Variants in RAD51B observed in about 807,000 individuals in gnomAD.
RAD51B encodes the protein DNA repair protein RAD51 homolog 2.
RAD51B carries 38 observed loss-of-function variants against 42.2 expected under a neutral mutation model. That is an observed-to-expected ratio of 0.90 (90% confidence interval 0.70 to 1.18). The LOEUF is 1.18. Ranked by LOEUF, RAD51B falls within the 50% of genes most tolerant of loss-of-function variation. The probability of loss-of-function intolerance (pLI) is 0.00; values close to 1 mark genes in which losing one functional copy is unlikely to be tolerated. For missense variants in RAD51B, 373 were observed against 400.7 expected, an observed-to-expected ratio of 0.93 and a Z score of 0.59; for synonymous variants, 154 against 145.2, an observed-to-expected ratio of 1.06 and a Z score of -0.43.
At chr14:68,275,156 C>G (rs190111283) in intron 7 of RAD51B, among the ~76,000 whole-genome samples, 1 of 152,234 alleles carries the variant, frequency 6.6e-6, no homozygotes, top group Non-Finnish European at 1.5e-5. Flanking sequence ...GCAGTTCTGT[C>G]CTGTGCCAGT....
At chr14:68,221,226 C>G (rs1054787930) in intron 7 of RAD51B, among the ~76,000 whole-genome samples, 2 of 151,908 alleles carry the variant, frequency 1.3e-5, no homozygotes, top group African/African-American at 4.8e-5. Flanking sequence ...CAAAAAAGAG[C>G]CTGTGAGTCA....
Position 68,492,744 on chromosome 14 carries a change from T to A in RAD51B, c.1036+24494T>A, listed in dbSNP as rs144086102. 8.0e-3 allele frequency among the ~76,000 whole-genome samples: 1,215 copies of A among 152,306 alleles called. 19 individuals carry two copies. The highest frequency in any genetic ancestry group is 0.028 in the African/African-American group (1,183 of 41,548). Reference sequence around the variant, plus strand: ...TAGGCAGTGTCTGTGCCTAGTGAACTATAGAAGTGATTTCATGAAACTGTC... The same window carrying A: ...TAGGCAGTGTCTGTGCCTAGTGAACAATAGAAGTGATTTCATGAAACTGTC... On this transcript the variant is annotated intron_variant, in intron 10 of 10. Coordinates refer to the RAD51B transcript ENST00000487270.
intron 10 of RAD51B, chr14:68,563,129 A>T: frequency 1.0e-6 from 1 of 985,438 alleles, no homozygotes; most frequent in Non-Finnish European, 1.2e-6. Flanking sequence ...AGAGGGCTTC[A>T]CATTTGACTT....
intron 7 of RAD51B, among the ~76,000 whole-genome samples, chr14:68,090,162 C>T (rs145102982): frequency 6.6e-6 from 1 of 152,290 alleles, no homozygotes; most frequent in South Asian, 2.1e-4. Flanking sequence ...TAGAGTCCAT[C>T]AGACCTTTAT....
chr14:67,938,556 C>T (rs1301925110), intron 7 of RAD51B, among the ~76,000 whole-genome samples: 1 of 152,152 alleles, frequency 6.6e-6, no homozygotes, highest in African/African-American at 2.4e-5. Context: ...AATTGTGTTC[C>T]ATACATAATA....
chr14:67,964,811 C>T (rs2074738789), intron 7 of RAD51B, among the ~76,000 whole-genome samples: 1 of 152,116 alleles, frequency 6.6e-6, no homozygotes, highest in African/African-American at 2.4e-5. Context: ...GCAGGTTGCT[C>T]TTAGTAATGG....
intron 9 of RAD51B, among the ~76,000 whole-genome samples, chr14:68,440,097 C>T (rs1490618101): frequency 6.6e-6 from 1 of 152,162 alleles, no homozygotes; most frequent in African/African-American, 2.4e-5. Context: ...AAAGAGACTC[C>T]TATAACCCTC....
chr14:68,637,263 G>C (rs1051571171), intron 10 of RAD51B, among the ~76,000 whole-genome samples: 1 of 152,154 alleles, frequency 6.6e-6, no homozygotes, highest in Non-Finnish European at 1.5e-5. Flanking sequence ...ATTTTGTGTA[G>C]AGATGGGCTC....
chr14:68,598,917 G>A (rs1891108712), downstream of RAD51B, among the ~76,000 whole-genome samples: 1 of 152,202 alleles, frequency 6.6e-6, no homozygotes, highest in South Asian at 2.1e-4. Context: ...AAGACCTCCT[G>A]TTAGTGCTGG....
rs566758760 is a variant in RAD51B at position 68,411,016 on chromosome 14, G to A, written c.854-408G>A. Reference sequence around the variant, plus strand: ...ATATTGATAGGGAAAATTGAGTTAAGACTCTTGTCTAGCTAAAAATGTCTA... The same window carrying A: ...ATATTGATAGGGAAAATTGAGTTAAAACTCTTGTCTAGCTAAAAATGTCTA... On this transcript the variant is annotated intron_variant, in intron 8 of 10. Transcript: ENST00000471583. Among the ~76,000 whole-genome samples, 3 of 152,208 alleles carry A rather than the reference G, an allele frequency of 2.0e-5. No individual in the cohort carries two copies. The East Asian group carries it at 5.8e-4, about 29-fold the overall frequency.
chr14:67,997,406 G>A (rs1474163425), intron 7 of RAD51B, among the ~76,000 whole-genome samples: 1 of 152,146 alleles, frequency 6.6e-6, no homozygotes, highest in African/African-American at 2.4e-5. Context: ...CCAAGTGAAT[G>A]AAGAGTATCA....
chr14:68,528,190 C>T (rs1358868531), intron 10 of RAD51B, among the ~76,000 whole-genome samples: 1 of 152,170 alleles, frequency 6.6e-6, no homozygotes, highest in Non-Finnish European at 1.5e-5. Flanking sequence ...TGGTTTCTAG[C>T]CCATCATAAC....
chr14:68,135,409 T>C (rs1215163604), intron 7 of RAD51B, among the ~76,000 whole-genome samples: 2 of 152,236 alleles, frequency 1.3e-5, no homozygotes, highest in Non-Finnish European at 2.9e-5. Context: ...ATTTAGCCTT[T>C]AGCTTTTCCT....
chr14:67,949,618 C>T (rs912001409), intron 7 of RAD51B, among the ~76,000 whole-genome samples: 1 of 152,316 alleles, frequency 6.6e-6, no homozygotes, highest in African/African-American at 2.4e-5. Flanking sequence ...TACCATTAAT[C>T]AGAAATACTC....
intron 10 of RAD51B, chr14:68,541,950 C>A: frequency 2.2e-6 from 1 of 451,900 alleles, no homozygotes; most frequent in Non-Finnish European, 2.9e-6. Flanking sequence ...AACACCCCAT[C>A]AGTAAACAAT....
At chr14:68,676,118 G>C (rs901995215) in intron 11 of RAD51B, among the ~76,000 whole-genome samples, 7 of 152,144 alleles carry the variant, frequency 4.6e-5, no homozygotes, top group African/African-American at 9.7e-5. Flanking sequence ...TGTATAGTAT[G>C]AGCTCATACA....
At chr14:68,370,665 G>C (rs1424588662) in intron 8 of RAD51B, among the ~76,000 whole-genome samples, 1 of 152,094 alleles carries the variant, frequency 6.6e-6, no homozygotes, top group African/African-American at 2.4e-5. Context: ...GTGGTATAGG[G>C]GATGGCAAGT....
chr14:68,344,680 G>A (rs2082639524), intron 8 of RAD51B, among the ~76,000 whole-genome samples: 1 of 150,984 alleles, frequency 6.6e-6, no homozygotes, highest in Non-Finnish European at 1.5e-5. Context: ...GGGTGCGGTG[G>A]CTCACGCCTG....
intron 7 of RAD51B, among the ~76,000 whole-genome samples, chr14:68,274,211 C>T (rs982153211): frequency 3.3e-5 from 5 of 152,134 alleles, no homozygotes; most frequent in Admixed American, 3.3e-4. Flanking sequence ...CCTTCCATTT[C>T]ACTCTTCCCC....
Sources: gnomAD v4.1 joint callset for allele counts (sites outside exome capture counted in the v4.1 genomes callset) on GRCh38, gnomAD v4.1.1 for gene constraint, MANE v1.5 for transcripts, NCBI Gene and HGNC (gene_info 2026-07-23, HGNC 2026-07-21) for gene names.